Variants in SCAPER observed in about 807,000 individuals in gnomAD.
SCAPER encodes the protein S-phase cyclin A associated protein in the ER, also known as S phase cyclin A-associated protein in the endoplasmic reticulum.
In SCAPER, 98 loss-of-function variants were observed where a neutral mutation model predicts 182.2. The ratio of observed to expected loss-of-function variants is 0.54; its 90% CI spans 0.46 to 0.64. SCAPER has a LOEUF of 0.64. Among genes scored for constraint, SCAPER ranks in the 30% least tolerant of loss-of-function variants. The pLI is 0.00. For synonymous variants in SCAPER, 605 were observed against 564.6 expected, an observed-to-expected ratio of 1.07 and a Z score of -1.01; for missense variants, 1,432 against 1,690.0, an observed-to-expected ratio of 0.85 and a Z score of 2.68.
intron 5 of SCAPER, among the ~76,000 whole-genome samples, chr15:76,817,076 G>A (rs1000223137): frequency 6.6e-6 from 1 of 152,168 alleles, no homozygotes; most frequent in African/African-American, 2.4e-5. Context: ...CACAAACACT[G>A]AGTAATATAT....
chr15:76,422,566 C>G (rs145582475), intron 26 of SCAPER, among the ~76,000 whole-genome samples: 52,363 of 151,962 alleles, frequency 0.34, 9,324 homozygotes, highest in East Asian at 0.58. Flanking sequence ...CATCTGCAAA[C>G]AGGGACAACT....
At chr15:76,616,217 T>C (rs1015426419) in intron 22 of SCAPER, among the ~76,000 whole-genome samples, 1 of 152,170 alleles carries the variant, frequency 6.6e-6, no homozygotes, top group South Asian at 2.1e-4. Context: ...TGCTAAACAG[T>C]GGAAGCAATC....
At chr15:76,820,507 C>T (rs950409423) in intron 5 of SCAPER, among the ~76,000 whole-genome samples, 2 of 147,748 alleles carry the variant, frequency 1.4e-5, no homozygotes, top group South Asian at 4.2e-4. Context: ...CCAAACACCA[C>T]GTGTTCTCAC....
At chr15:76,682,975 G>A (rs573828200) in intron 20 of SCAPER, among the ~76,000 whole-genome samples, 8 of 152,248 alleles carry the variant, frequency 5.3e-5, no homozygotes, top group African/African-American at 1.9e-4. Context: ...AATAAGATCT[G>A]TGGCAACTCA....
In SCAPER at chr15:76,739,701, C is replaced by T. The variant is rs114959172; in HGVS notation, c.1867-6317G>A. Among the ~76,000 whole-genome samples, 160 of 152,152 alleles carry T rather than the reference C, an allele frequency of 1.1e-3. 3 individuals are homozygous for T. The highest frequency in any genetic ancestry group is 3.8e-3 in the African/African-American group (157 of 41,510). On this transcript the variant is annotated intron_variant, in intron 15 of 31. Coordinates refer to ENST00000563290, the MANE Select transcript of SCAPER (RefSeq NM_020843.4). The stretch of plus-strand genomic sequence containing the variant: ...TTTCCTATTTTTGGACTGTGATTGA[C>T]GAGGGTAGATGAAACCACAAAGACC...
chr15:76,719,341 A>T (rs1027432725), intron 17 of SCAPER, among the ~76,000 whole-genome samples: 6 of 152,184 alleles, frequency 3.9e-5, no homozygotes, highest in African/African-American at 1.4e-4. Context: ...AAAAAAATTC[A>T]ATTATACAGA....
chr15:76,637,738 ATATATGTG>A (rs1178101779), intron 21 of SCAPER, among the ~76,000 whole-genome samples: 34 of 28,726 alleles, frequency 1.2e-3, no homozygotes, highest in East Asian at 3.0e-3. Context: ...ATATATATAT[ATATATGTG>A]TGTGTGTGTG....
At chr15:76,746,506 A>C in intron 15 of SCAPER, among the ~76,000 whole-genome samples, 1 of 152,282 alleles carries the variant, frequency 6.6e-6, no homozygotes, top group South Asian at 2.1e-4. Context: ...TCAACAATAT[A>C]CTATAGGTTC....
At chr15:76,537,711 G>A (rs1477055609) in intron 23 of SCAPER, among the ~76,000 whole-genome samples, 2 of 151,992 alleles carry the variant, frequency 1.3e-5, no homozygotes, top group African/African-American at 4.8e-5. Flanking sequence ...AGCCAAAATT[G>A]ACAAATGGGA....
intron 21 of SCAPER, among the ~76,000 whole-genome samples, chr15:76,627,920 C>G (rs377488289): frequency 2.0e-5 from 3 of 152,078 alleles, no homozygotes; most frequent in South Asian, 4.1e-4. Context: ...TGTAAAAGCA[C>G]TCCTATTTCT....
intron 20 of SCAPER, among the ~76,000 whole-genome samples, chr15:76,685,493 C>A (rs1368622367): frequency 6.6e-6 from 1 of 151,938 alleles, no homozygotes; most frequent in East Asian, 1.9e-4. Flanking sequence ...ACTTGCATTT[C>A]TATAGAGCAA....
intron 17 of SCAPER, among the ~76,000 whole-genome samples, chr15:76,720,805 A>T (rs1164856099): frequency 1.2e-4 from 18 of 152,074 alleles, no homozygotes; most frequent in Non-Finnish European, 2.1e-4. Context: ...GTTTGAGTTC[A>T]TTGTAGATTC....
intron 23 of SCAPER, among the ~76,000 whole-genome samples, chr15:76,569,203 T>G (rs1364161762): frequency 6.6e-6 from 1 of 152,200 alleles, no homozygotes; most frequent in Non-Finnish European, 1.5e-5. Flanking sequence ...AGATTCAATT[T>G]GTCAGATTAA....
At chr15:76,856,312 T>G (rs1770506388) in intron 4 of SCAPER, among the ~76,000 whole-genome samples, 2 of 152,022 alleles carry the variant, frequency 1.3e-5, no homozygotes, top group African/African-American at 4.8e-5. Flanking sequence ...TATTGGGTAC[T>G]AGGCTTCATA....
intron 8 of SCAPER, among the ~76,000 whole-genome samples, chr15:76,787,400 T>C (rs912319544): frequency 4.6e-5 from 7 of 152,180 alleles, no homozygotes; most frequent in Admixed American, 4.6e-4. Context: ...ATTTATTTAT[T>C]TTTAGACAAG....
intron 25 of SCAPER, among the ~76,000 whole-genome samples, chr15:76,463,967 T>C (rs1205735212): frequency 1.3e-5 from 2 of 150,446 alleles, no homozygotes; most frequent in Non-Finnish European, 3.0e-5. Context: ...TAAAAGCTTA[T>C]CCATCTATTT....
intron 23 of SCAPER, among the ~76,000 whole-genome samples, chr15:76,510,872 T>TGG (rs2041968482): frequency 1.3e-5 from 2 of 151,630 alleles, no homozygotes; most frequent in African/African-American, 4.9e-5. Context: ...CGCGTGTGTG[T>TGG]GTGTGTGTGT....
chr15:76,578,630 TA>T (rs2048033768), intron 22 of SCAPER, among the ~76,000 whole-genome samples: 1 of 152,252 alleles, frequency 6.6e-6, no homozygotes, highest in Admixed American at 6.5e-5. Context: ...TACGAGTCTA[TA>T]AGAGCCATAG....
intron 22 of SCAPER, among the ~76,000 whole-genome samples, chr15:76,610,607 CAA>C (rs1254611651): frequency 6.6e-6 from 1 of 151,908 alleles, no homozygotes; most frequent in African/African-American, 2.4e-5. Flanking sequence ...AATCAACATA[CAA>C]AAGTCACTAA....
Sources: gnomAD v4.1 joint callset for allele counts (sites outside exome capture counted in the v4.1 genomes callset) on GRCh38, gnomAD v4.1.1 for gene constraint, MANE v1.5 for transcripts, NCBI Gene and HGNC (gene_info 2026-07-23, HGNC 2026-07-21) for gene names.